Variants in SLC25A21 observed in about 807,000 individuals in gnomAD.
SLC25A21 encodes the protein solute carrier family 25 member 21, also known as mitochondrial 2-oxodicarboxylate carrier.
SLC25A21 carries 47 observed loss-of-function variants against 43.8 expected under a neutral mutation model. The observed-to-expected ratio is 1.07, with a 90% CI of 0.85 to 1.37. The LOEUF is 1.37. Among genes scored for constraint, SLC25A21 ranks in the 40% most tolerant of loss-of-function variants. The pLI is 0.00. For synonymous variants in SLC25A21, 131 were observed against 121.3 expected, an observed-to-expected ratio of 1.08 and a Z score of -0.52; for missense variants, 352 against 350.2, an observed-to-expected ratio of 1.00 and a Z score of -0.04.
intron 6 of SLC25A21, among the ~76,000 whole-genome samples, chr14:36,721,202 T>C (rs2139205170): frequency 6.6e-6 from 1 of 152,348 alleles, no homozygotes; most frequent in South Asian, 2.1e-4. Flanking sequence ...AACAATCATG[T>C]TGTAATAATA....
At chr14:37,076,037 A>T (rs939794376) in intron 1 of SLC25A21, among the ~76,000 whole-genome samples, 7 of 152,178 alleles carry the variant, frequency 4.6e-5, no homozygotes, top group Non-Finnish European at 4.4e-5. Flanking sequence ...GCTAGCAAAC[A>T]CCTTGCTCTG....
At chr14:36,810,298 G>C (rs576940789) in intron 3 of SLC25A21, among the ~76,000 whole-genome samples, 1 of 152,268 alleles carries the variant, frequency 6.6e-6, no homozygotes, top group East Asian at 1.9e-4. Flanking sequence ...AGCAGAAGCA[G>C]AAACATCAAA....
intron 2 of SLC25A21, among the ~76,000 whole-genome samples, chr14:36,851,138 T>C (rs1889721585): frequency 6.6e-6 from 1 of 152,202 alleles, no homozygotes; most frequent in South Asian, 2.1e-4. Flanking sequence ...TCACTAATAG[T>C]TAACTAAACT....
chr14:36,890,878 T>C (rs1246500465), intron 1 of SLC25A21, among the ~76,000 whole-genome samples: 1 of 152,170 alleles, frequency 6.6e-6, no homozygotes, highest in Non-Finnish European at 1.5e-5. Context: ...AAGTAGTCAA[T>C]ATACCTAATA....
intron 1 of SLC25A21, among the ~76,000 whole-genome samples, chr14:37,093,472 G>T (rs1384786081): frequency 6.6e-6 from 1 of 152,130 alleles, no homozygotes; most frequent in Non-Finnish European, 1.5e-5. Flanking sequence ...TCTATGGGTG[G>T]TTTTCACAGC....
At position 36,958,141 on chromosome 14, in the gene SLC25A21, C is replaced by A. The variant is rs112806979; in HGVS notation, c.71-83137G>T. On this transcript the variant is annotated intron_variant, in intron 1 of 9. Coordinates refer to ENST00000331299, the MANE Select transcript of SLC25A21 (RefSeq NM_030631.4). Reference sequence around the variant, plus strand: ...CTACTGAGGATACTTTAAGCCATTTCTAGGTGTTTGCCTAGACAACCAAAC... The same window carrying A: ...CTACTGAGGATACTTTAAGCCATTTATAGGTGTTTGCCTAGACAACCAAAC... Among the ~76,000 whole-genome samples the A allele has an allele frequency of 5.6e-4, 84 of 151,264 alleles. 2 individuals carry two copies. The highest frequency in any genetic ancestry group is 1.8e-3 in the African/African-American group (74 of 40,698).
chr14:36,864,715 C>T (rs971137900), intron 2 of SLC25A21, among the ~76,000 whole-genome samples: 3 of 152,156 alleles, frequency 2.0e-5, no homozygotes, highest in Non-Finnish European at 2.9e-5. Context: ...GTTTATAAAA[C>T]TATGGTTCTA....
chr14:37,053,059 G>A (rs1436712221), intron 1 of SLC25A21, among the ~76,000 whole-genome samples: 46 of 152,114 alleles, frequency 3.0e-4, no homozygotes, highest in Admixed American at 3.0e-3. Context: ...CAATATATCT[G>A]TTTTATTTTG....
chr14:36,683,970 A>C (rs1882411778), intron 8 of SLC25A21, 90 bp from the exon 9 acceptor site: 1 of 903,722 alleles, frequency 1.1e-6, no homozygotes, highest in African/African-American at 1.7e-5. Flanking sequence ...CCAGCATTTA[A>C]AAAAATAAAT....
At chr14:37,048,395 C>T (rs1028621201) in intron 1 of SLC25A21, among the ~76,000 whole-genome samples, 3 of 151,830 alleles carry the variant, frequency 2.0e-5, no homozygotes, top group Non-Finnish European at 4.4e-5. Flanking sequence ...GTATCTCAAT[C>T]AACTGTTTCC....
At chr14:36,943,350 C>G (rs966683471) in intron 1 of SLC25A21, among the ~76,000 whole-genome samples, 4 of 152,224 alleles carry the variant, frequency 2.6e-5, no homozygotes, top group Non-Finnish European at 5.9e-5. Flanking sequence ...CTCCACCACA[C>G]CCGGCTAATT....
chr14:37,162,109 G>A (rs1963954281), intron 1 of SLC25A21, among the ~76,000 whole-genome samples: 1 of 152,106 alleles, frequency 6.6e-6, no homozygotes. Context: ...ACTGCCAGAA[G>A]CTAGGAGAGA....
chr14:37,003,308 C>G (rs1960528263), intron 1 of SLC25A21, among the ~76,000 whole-genome samples: 1 of 152,098 alleles, frequency 6.6e-6, no homozygotes, highest in African/African-American at 2.4e-5. Flanking sequence ...TGATAAAATG[C>G]CTACATGATG....
intron 1 of SLC25A21, among the ~76,000 whole-genome samples, chr14:37,005,709 T>A (rs1345739752): frequency 6.6e-6 from 1 of 151,872 alleles, no homozygotes; most frequent in Non-Finnish European, 1.5e-5. Context: ...CACGATGTGA[T>A]TCAAAGTTAA....
intron 3 of SLC25A21, among the ~76,000 whole-genome samples, chr14:36,756,295 C>T (rs1042385009): frequency 1.3e-5 from 2 of 152,142 alleles, no homozygotes; most frequent in South Asian, 2.1e-4. Flanking sequence ...GATGTTCGGC[C>T]GCCTCCTTCT....
chr14:36,984,331 G>C (rs1434042132), intron 1 of SLC25A21, among the ~76,000 whole-genome samples: 1 of 152,112 alleles, frequency 6.6e-6, no homozygotes, highest in South Asian at 2.1e-4. Context: ...GAAAAACAAA[G>C]ACTAAGGGGA....
intron 3 of SLC25A21, 95 bp from the exon 4 acceptor site, chr14:36,734,668 T>C: frequency 1.1e-6 from 1 of 881,094 alleles, no homozygotes; most frequent in South Asian, 1.5e-5. Context: ...TCCCGATTAT[T>C]CAACATAGCA....
intron 3 of SLC25A21, among the ~76,000 whole-genome samples, chr14:36,789,679 C>A (rs1222901009): frequency 7.6e-6 from 1 of 132,186 alleles, no homozygotes; most frequent in Non-Finnish European, 1.6e-5. Flanking sequence ...CATCTTGTTA[C>A]TGTAATCACA....
chr14:37,052,800 G>A (rs1383456399), intron 1 of SLC25A21, among the ~76,000 whole-genome samples: 1 of 152,018 alleles, frequency 6.6e-6, no homozygotes, highest in Non-Finnish European at 1.5e-5. Flanking sequence ...CACCATGCCA[G>A]GCTAATTTTT....
Sources: gnomAD v4.1 joint callset for allele counts (sites outside exome capture counted in the v4.1 genomes callset) on GRCh38, gnomAD v4.1.1 for gene constraint, MANE v1.5 for transcripts, NCBI Gene and HGNC (gene_info 2026-07-23, HGNC 2026-07-21) for gene names.